DLG2: variants seen among roughly 807,000 people sequenced by gnomAD.
DLG2 encodes discs large MAGUK scaffold protein 2.
A neutral mutation model predicts 132.5 loss-of-function variants in DLG2; 45 were observed. That is an observed-to-expected ratio of 0.34 (90% CI 0.27 to 0.44). The LOEUF is 0.44. Ranked by LOEUF, DLG2 falls within the 20% of genes least tolerant of loss-of-function variation. The pLI is 1.00. For missense variants in DLG2, 1,045 were observed against 1,196.9 expected (o/e 0.87, Z 1.87); for synonymous variants, 424 against 419.6 (o/e 1.01, Z -0.13).
At chr11:84,473,704 A>T (rs2099114380) in intron 7 of DLG2, among the ~76,000 whole-genome samples, 2 of 152,014 alleles carry the variant, frequency 1.3e-5, no homozygotes, top group South Asian at 4.1e-4. Flanking sequence ...AAACTCTCTG[A>T]AAAGTAAGTG....
chr11:84,449,724 AT>A (rs2099045916), intron 7 of DLG2, among the ~76,000 whole-genome samples: 1 of 151,870 alleles, frequency 6.6e-6, no homozygotes, highest in African/African-American at 2.4e-5. Context: ...TTAAAATTTA[AT>A]TTGACTCACT....
At chr11:85,428,707 A>G (rs188767082) in intron 3 of DLG2, among the ~76,000 whole-genome samples, 24 of 152,370 alleles carry the variant, frequency 1.6e-4, no homozygotes, top group African/African-American at 5.8e-4. Context: ...CTAACATCAT[A>G]ATTAAAAGAA....
intron 19 of DLG2, among the ~76,000 whole-genome samples, chr11:83,604,949 G>C (rs1264479889): frequency 6.6e-6 from 1 of 151,286 alleles, no homozygotes; most frequent in Non-Finnish European, 1.5e-5. Context: ...AATCAGAATA[G>C]AGTCATTAAT....
intron 7 of DLG2, among the ~76,000 whole-genome samples, chr11:84,494,600 G>T (rs1314044864): frequency 2.6e-5 from 4 of 152,150 alleles, no homozygotes; most frequent in Non-Finnish European, 5.9e-5. Flanking sequence ...ATTCCAAGGG[G>T]TCCGGAAGTA....
chr11:85,123,866 C>T (rs563739201), intron 5 of DLG2, among the ~76,000 whole-genome samples: 6 of 152,252 alleles, frequency 3.9e-5, no homozygotes, highest in South Asian at 2.1e-4. Flanking sequence ...TATCTTTGAA[C>T]GCACAAATGG....
intron 4 of DLG2, among the ~76,000 whole-genome samples, chr11:85,262,251 C>G (rs960985849): frequency 6.6e-6 from 1 of 152,064 alleles, no homozygotes; most frequent in African/African-American, 2.4e-5. Context: ...ATGTAGGCCT[C>G]CATAACAACT....
intron 3 of DLG2, among the ~76,000 whole-genome samples, chr11:85,430,162 G>T (rs2153010992): frequency 6.7e-6 from 1 of 149,112 alleles, no homozygotes; most frequent in South Asian, 2.2e-4. Flanking sequence ...TGAACAATGA[G>T]AGCACATGGA....
chr11:85,196,085 A>G (rs1177267481), intron 4 of DLG2, among the ~76,000 whole-genome samples: 1 of 152,200 alleles, frequency 6.6e-6, no homozygotes, highest in Non-Finnish European at 1.5e-5. Flanking sequence ...AATTCCACCC[A>G]GCGTTGCCTC....
At chr11:83,910,988 A>G (rs1390991514) in intron 15 of DLG2, among the ~76,000 whole-genome samples, 1 of 152,194 alleles carries the variant, frequency 6.6e-6, no homozygotes, top group Non-Finnish European at 1.5e-5. Flanking sequence ...TGCCGATTAC[A>G]CAAAGTAATC....
intron 6 of DLG2, among the ~76,000 whole-genome samples, chr11:84,750,732 T>C (rs1024556073): frequency 2.6e-5 from 4 of 152,214 alleles, no homozygotes; most frequent in African/African-American, 9.6e-5. Context: ...TTCATATTGA[T>C]ACAAAGTTGA....
chr11:84,348,899 A>C (rs773073763), intron 7 of DLG2, among the ~76,000 whole-genome samples: 1 of 152,228 alleles, frequency 6.6e-6, no homozygotes, highest in Non-Finnish European at 1.5e-5. Context: ...TTAGGAGAGA[A>C]GCATGGAACA....
At chr11:84,239,992 G>A (rs931783690) in intron 8 of DLG2, among the ~76,000 whole-genome samples, 2 of 152,210 alleles carry the variant, frequency 1.3e-5, no homozygotes, top group African/African-American at 2.4e-5. Context: ...CTGAGCCCAG[G>A]GCATCTCAGA....
intron 19 of DLG2, among the ~76,000 whole-genome samples, chr11:83,549,359 AG>A (rs534540384): frequency 5.2e-4 from 79 of 152,292 alleles, no homozygotes; most frequent in African/African-American, 1.8e-3. Flanking sequence ...TGAGAAAATA[AG>A]TGGAGTAATC....
intron 6 of DLG2, among the ~76,000 whole-genome samples, chr11:84,679,171 AC>A (rs1351532925): frequency 3.3e-5 from 5 of 152,068 alleles, no homozygotes; most frequent in East Asian, 1.9e-4. Context: ...GACAAAAAAA[AC>A]AATGTGGCTG....
At chr11:84,115,814 C>T (rs56654665) in intron 9 of DLG2, among the ~76,000 whole-genome samples, 139 of 152,284 alleles carry the variant, frequency 9.1e-4, no homozygotes, top group African/African-American at 3.3e-3. Context: ...ACCATCTACC[C>T]TTATTTTGTT....
At chr11:84,461,699 A>T (rs1211174760) in intron 7 of DLG2, among the ~76,000 whole-genome samples, 1 of 151,020 alleles carries the variant, frequency 6.6e-6, no homozygotes. Context: ...AAGAACACAA[A>T]ATTAAAAGTT....
At chr11:84,553,829 G>T (rs2099406658) in intron 6 of DLG2, among the ~76,000 whole-genome samples, 2 of 152,124 alleles carry the variant, frequency 1.3e-5, no homozygotes, top group African/African-American at 2.4e-5. Context: ...CTTAAAATTG[G>T]CAACATGAAA....
chr11:84,866,485 G>A (rs2084587308), intron 6 of DLG2, among the ~76,000 whole-genome samples: 1 of 152,206 alleles, frequency 6.6e-6, no homozygotes, highest in African/African-American at 2.4e-5. Flanking sequence ...GTGCGAGGAG[G>A]TGTGAGATGT....
chr11:84,361,587 A>C lies in DLG2; in HGVS notation c.520-110296T>G, dbSNP rs201632293. ...GGGCAAAGAAAAATAACGACAGAGG[A>C]AACGTATATCTATACACAGAATTTA... is the stretch of plus-strand genomic sequence containing the variant. On this transcript the variant is annotated intron_variant, in intron 7 of 27. Coordinates refer to ENST00000376104, the MANE Select transcript of DLG2 (RefSeq NM_001142699.3). Among the ~76,000 whole-genome samples, 9 of 152,164 alleles carry C rather than the reference A, an allele frequency of 5.9e-5. No individual in the cohort carries two copies. The East Asian group carries it at 1.5e-3, about 26-fold the overall frequency.
Sources: gnomAD v4.1 joint callset for allele counts (sites outside exome capture counted in the v4.1 genomes callset) on GRCh38, gnomAD v4.1.1 for gene constraint, MANE v1.5 for transcripts, NCBI Gene and HGNC (gene_info 2026-07-23, HGNC 2026-07-21) for gene names.